Variants in CEP112 observed in about 807,000 individuals in gnomAD.
The protein encoded by CEP112 is centrosomal protein 112.
Under a neutral mutation model 153.0 loss-of-function variants are expected in CEP112, and 127 were observed. The observed-to-expected ratio is 0.83, with a 90% CI of 0.72 to 0.96. The LOEUF (loss-of-function observed/expected upper bound fraction) is 0.96. CEP112 is among the 40% of genes least tolerant of loss of function. The pLI is 0.00. For synonymous variants in CEP112, 358 were observed against 374.4 expected (o/e 0.96, Z 0.51); for missense variants, 1,089 against 1,101.2 (o/e 0.99, Z 0.16).
At chr17:66,040,528 G>T (rs2065928093) in intron 12 of CEP112, among the ~76,000 whole-genome samples, 1 of 131,552 alleles carries the variant, frequency 7.6e-6, no homozygotes. Context: ...GTCTTGCTGT[G>T]CTCTGTTGCC....
At chr17:65,812,564 G>T (rs2056038589) in intron 21 of CEP112, among the ~76,000 whole-genome samples, 2 of 152,098 alleles carry the variant, frequency 1.3e-5, no homozygotes, top group Admixed American at 1.3e-4. Flanking sequence ...CAACAAGTCA[G>T]CCCGTTTATA....
At chr17:65,750,754 A>C (rs1264591011) in intron 21 of CEP112, 30 bp from the exon 22 acceptor site, 1 of 1,605,660 alleles carries the variant, frequency 6.2e-7, no homozygotes, top group African/African-American at 1.3e-5. Flanking sequence ...GAACACATAC[A>C]CAGTGACCTG....
intron 21 of CEP112, among the ~76,000 whole-genome samples, chr17:65,800,523 T>G (rs2055201882): frequency 6.6e-6 from 1 of 152,222 alleles, no homozygotes; most frequent in Admixed American, 6.5e-5. Flanking sequence ...ACTGGGAATT[T>G]GGGTTGCTTA....
chr17:66,003,105 A>C (rs141036501), intron 17 of CEP112, among the ~76,000 whole-genome samples: 124 of 152,316 alleles, frequency 8.1e-4, no homozygotes, highest in African/African-American at 3.0e-3. Flanking sequence ...TTCAGACTAC[A>C]TTATTACTAC....
chr17:65,816,670 C>T (rs572197666), intron 21 of CEP112, among the ~76,000 whole-genome samples: 2 of 151,978 alleles, frequency 1.3e-5, no homozygotes, highest in South Asian at 4.1e-4. Context: ...ATGTGCTATC[C>T]TTTTTATATA....
rs2057941084 is a variant in CEP112 at position 65,851,809 on chromosome 17, C to T, written c.2389G>A (p.Glu797Lys). The T allele has an allele frequency of 1.2e-6, 2 of 1,608,420 alleles. No individual in the cohort carries two copies. The highest frequency in any genetic ancestry group is 3.4e-5 in the Admixed American group (2 of 59,092). Reference sequence around the variant, plus strand: ...AAACTAGTTAAATATCTTACCTTTTCCAGTGTCATCTCTGTCTCAGCAGCA... The same window carrying T: ...AAACTAGTTAAATATCTTACCTTTTTCAGTGTCATCTCTGTCTCAGCAGCA... The part of the protein sequence containing the change: ...THAAETEMTL[E>K]KANSKLKQIE... Residue 797 changes from glutamate (E) to lysine (K), a missense_variant, in exon 21 of 27, where the codon GAA (glutamate) becomes AAA (lysine). Transcript: ENST00000535342.
intron 5 of CEP112, among the ~76,000 whole-genome samples, chr17:66,132,156 G>C (rs1206432506): frequency 1.0e-5 from 1 of 99,102 alleles, no homozygotes; most frequent in East Asian, 3.8e-4. Context: ...GGGCAACAGT[G>C]AGACTCCATC....
chr17:65,966,360 T>C (rs779485193), intron 17 of CEP112, among the ~76,000 whole-genome samples: 1 of 152,234 alleles, frequency 6.6e-6, no homozygotes, highest in African/African-American at 2.4e-5. Flanking sequence ...AACATGTATA[T>C]GTACAGGTGA....
chr17:66,165,355 T>C (rs1568566660), intron 4 of CEP112, among the ~76,000 whole-genome samples: 1 of 152,184 alleles, frequency 6.6e-6, no homozygotes, highest in Non-Finnish European at 1.5e-5. Flanking sequence ...GGCGACTGTA[T>C]TGGACAGTGC....
chr17:66,031,741 C>T (rs943466857), intron 12 of CEP112, among the ~76,000 whole-genome samples: 3 of 152,026 alleles, frequency 2.0e-5, no homozygotes, highest in African/African-American at 4.8e-5. Context: ...GGATTACAGG[C>T]GTGTGCCACC....
intron 23 of CEP112, among the ~76,000 whole-genome samples, chr17:65,694,099 G>A (rs2048248426): frequency 6.6e-6 from 1 of 152,182 alleles, no homozygotes; most frequent in African/African-American, 2.4e-5. Flanking sequence ...AGATCACGTT[G>A]CTCAGTGGGT....
intron 6 of CEP112, among the ~76,000 whole-genome samples, chr17:66,109,157 G>T (rs1384263060): frequency 6.6e-6 from 1 of 152,004 alleles, no homozygotes; most frequent in Non-Finnish European, 1.5e-5. Context: ...ATGGTTAATG[G>T]GTACAAAAAT....
In CEP112 at chr17:65,815,966, T is replaced by C. The variant is rs140915540; in HGVS notation, c.2394+35838A>G. ...CTTCTTCCTTTCTGATTTGTATGCC[T>C]TTTATTTCTTTTTCTTGCCTTGTTG... On this transcript the variant is annotated intron_variant, in intron 21 of 26. Coordinates refer to ENST00000535342, the MANE Select transcript of CEP112 (RefSeq NM_001199165.4). Among the ~76,000 whole-genome samples, 90 of 152,158 alleles carry C rather than the reference T, an allele frequency of 5.9e-4. 2 individuals carry two copies. The East Asian group carries it at 0.015, about 26-fold the overall frequency.
chr17:65,946,477 G>C (rs967772849), intron 18 of CEP112, among the ~76,000 whole-genome samples: 1 of 152,132 alleles, frequency 6.6e-6, no homozygotes, highest in African/African-American at 2.4e-5. Flanking sequence ...ACATGAATCA[G>C]ACTGATCATA....
At chr17:65,993,126 G>T (rs9896715) in intron 17 of CEP112, among the ~76,000 whole-genome samples, 1 of 152,026 alleles carries the variant, frequency 6.6e-6, no homozygotes, top group Non-Finnish European at 1.5e-5. Flanking sequence ...AGTGTGTGTT[G>T]TTCCTCTCCC....
chr17:65,917,555 T>G (rs1179622645), intron 19 of CEP112, among the ~76,000 whole-genome samples: 1 of 152,286 alleles, frequency 6.6e-6, no homozygotes, highest in East Asian at 1.9e-4. Flanking sequence ...ATTCCCACTT[T>G]TATTTGCTCT....
chr17:65,839,470 T>A (rs1420948178), intron 21 of CEP112, among the ~76,000 whole-genome samples: 3 of 145,094 alleles, frequency 2.1e-5, no homozygotes, highest in African/African-American at 2.5e-5. Flanking sequence ...CCTTTATGAT[T>A]AAAAAAAAAA....
At chr17:65,966,397 C>T (rs1280078380) in intron 17 of CEP112, among the ~76,000 whole-genome samples, 1 of 152,184 alleles carries the variant, frequency 6.6e-6, no homozygotes, top group Non-Finnish European at 1.5e-5. Context: ...CTTCCTTTTG[C>T]ACATTTCTGT....
intron 20 of CEP112, among the ~76,000 whole-genome samples, chr17:65,878,787 C>A (rs1331765248): frequency 6.6e-6 from 1 of 151,690 alleles, no homozygotes; most frequent in Non-Finnish European, 1.5e-5. Flanking sequence ...CCCACCCCAA[C>A]CTACAGATTG....
Sources: gnomAD v4.1 joint callset for allele counts (sites outside exome capture counted in the v4.1 genomes callset) on GRCh38, gnomAD v4.1.1 for gene constraint, MANE v1.5 for transcripts, NCBI Gene and HGNC (gene_info 2026-07-23, HGNC 2026-07-21) for gene names.